The following DCT variants were observed in gnomAD, a reference collection of about 807,000 sequenced individuals.
DCT encodes the protein dopachrome tautomerase, also known as L-dopachrome tautomerase.
In DCT, 47 loss-of-function variants were observed where a neutral mutation model predicts 53.0. The ratio of observed to expected loss-of-function variants is 0.89; its 90% CI spans 0.70 to 1.13. DCT has a LOEUF of 1.13. DCT is among the 50% of genes most tolerant of loss of function. DCT has a pLI of 0.00. For synonymous variants in DCT, 244 were observed against 237.0 expected, an observed-to-expected ratio of 1.03 and a Z score of -0.27; for missense variants, 669 against 637.4, an observed-to-expected ratio of 1.05 and a Z score of -0.53.
chr13:94,520,171 T>G, the DCT span, among the ~76,000 whole-genome samples: 1 of 152,214 alleles, frequency 6.6e-6, no homozygotes, highest in Non-Finnish European at 1.5e-5. Flanking sequence ...AAGGCTCTAT[T>G]TCAGCATGAA....
intron 7 of DCT, among the ~76,000 whole-genome samples, chr13:94,440,821 C>A (rs1448496771): frequency 6.6e-6 from 1 of 151,438 alleles, no homozygotes; most frequent in African/African-American, 2.4e-5. Flanking sequence ...GCTGGGATTA[C>A]AGGCACCCAT....
the DCT span, among the ~76,000 whole-genome samples, chr13:94,546,347 C>T: frequency 0.013 from 1,915 of 152,216 alleles, 19 homozygotes; most frequent in Non-Finnish European, 0.017. This position sits in a 1 kb window ranked among gnomAD's most constrained non-coding sequence, Gnocchi z 4.2. Context: ...CCACTGGTTC[C>T]TCTCCGTTAA....
At chr13:94,533,751 C>A in the DCT span, among the ~76,000 whole-genome samples, 2 of 152,006 alleles carry the variant, frequency 1.3e-5, no homozygotes, top group Non-Finnish European at 2.9e-5. Context: ...CTGCACTCTA[C>A]CCTGGGCAAC....
At chr13:94,481,496 C>G (rs1885442638), upstream of DCT, among the ~76,000 whole-genome samples, 2 of 152,132 alleles carry the variant, frequency 1.3e-5, no homozygotes. Context: ...TTTGTGAAGC[C>G]TTGGGGCTCC....
At chr13:94,458,604 C>G (rs987101022) in intron 6 of DCT, among the ~76,000 whole-genome samples, 2 of 152,000 alleles carry the variant, frequency 1.3e-5, no homozygotes, top group African/African-American at 2.4e-5. Context: ...GTGTTTGAGA[C>G]CAGTCTGGCC....
In DCT at chr13:94,460,121, T is replaced by C; in HGVS notation, c.1149A>G (p.Pro383=). 1 of 1,614,100 alleles carries C rather than the reference T, an allele frequency of 6.2e-7. No individual in the cohort carries two copies. The highest frequency in any genetic ancestry group is 8.5e-7 in the Non-Finnish European group (1 of 1,180,002). ...HSFLNGTNAL[P]HSAANDPIFV... is the part of the protein sequence containing the mutation. ...AAATGGGATCATTGGCGGCTGAATG[T>C]GGCAAAGCGTTTGTCCCGTTCAGGA... Residue 383 remains proline, a synonymous_variant, in exon 6 of 8, where the codon CCA becomes CCG. Transcript: ENST00000377028.
the DCT span, among the ~76,000 whole-genome samples, chr13:94,531,427 T>C: frequency 6.6e-6 from 1 of 152,204 alleles, no homozygotes; most frequent in African/African-American, 2.4e-5. Flanking sequence ...AGCATGGTAC[T>C]GGTACCAAAA....
intron 1 of DCT, among the ~76,000 whole-genome samples, chr13:94,478,223 T>C (rs1885231406): frequency 7.6e-6 from 1 of 131,910 alleles, no homozygotes; most frequent in African/African-American, 2.8e-5. Flanking sequence ...TTGTCAAAGT[T>C]ACAACCTGGT....
intron 6 of DCT, among the ~76,000 whole-genome samples, chr13:94,456,182 A>T (rs1166008942): frequency 6.6e-6 from 1 of 152,204 alleles, no homozygotes; most frequent in Non-Finnish European, 1.5e-5. Context: ...ACTTCTGACA[A>T]CCCCTTCATT....
At chr13:94,503,705 T>C in the DCT span, among the ~76,000 whole-genome samples, 1 of 152,306 alleles carries the variant, frequency 6.6e-6, no homozygotes, top group African/African-American at 2.4e-5. Context: ...CCTCTGGGGA[T>C]AGCATGGCCC....
chr13:94,513,934 C>T, the DCT span, among the ~76,000 whole-genome samples: 1 of 133,342 alleles, frequency 7.5e-6, no homozygotes, highest in East Asian at 2.3e-4. Context: ...TTGCAGTAAG[C>T]CAAGATCGTG....
chr13:94,523,083 C>T, the DCT span, among the ~76,000 whole-genome samples: 1 of 152,186 alleles, frequency 6.6e-6, no homozygotes, highest in African/African-American at 2.4e-5. Context: ...TCTCCAACCT[C>T]AAAGCAAGAA....
chr13:94,509,868 G>C, the DCT span, among the ~76,000 whole-genome samples: 3,156 of 152,248 alleles, frequency 0.021, 66 homozygotes, highest in African/African-American at 0.034. Flanking sequence ...CACTGGGTCA[G>C]GAATCATGTG....
the DCT span, among the ~76,000 whole-genome samples, chr13:94,502,322 C>G: frequency 6.6e-5 from 10 of 152,068 alleles, no homozygotes; most frequent in Admixed American, 3.9e-4. Context: ...AATTTTGCCC[C>G]TTTCTCTCAC....
At position 94,465,691 on chromosome 13, in the gene DCT, C is replaced by T. The variant is rs142171852; in HGVS notation, c.805G>A (p.Asp269Asn). ...DQLFGAARPD[D>N]PTLISRNSRF... ...GAGTTCCGACTAATCAGAGTCGGAT[C>T]GTCTGGTCTCGCTGCCCCAAACAGC... The change falls in exon 4 of 8, where the codon GAT (aspartate) becomes AAT (asparagine). Residue 269 changes from aspartate (D) to asparagine (N), a missense_variant. Physicochemically the swap from Asp to Asn is conservative, Grantham distance 23. Transcript: ENST00000377028. The T allele has an allele frequency of 9.2e-5, 148 of 1,613,352 alleles. No individual in the cohort carries two copies. The highest frequency in any genetic ancestry group is 1.2e-4 in the Non-Finnish European group (141 of 1,179,900).
At chr13:94,528,806 G>A in the DCT span, among the ~76,000 whole-genome samples, 1 of 127,544 alleles carries the variant, frequency 7.8e-6, no homozygotes, top group Middle Eastern at 4.0e-3. Context: ...AACCTTAAAT[G>A]TAAATGGGCT....
upstream of DCT, among the ~76,000 whole-genome samples, chr13:94,484,256 C>T (rs997094266): frequency 6.6e-6 from 1 of 152,196 alleles, no homozygotes; most frequent in Non-Finnish European, 1.5e-5. Flanking sequence ...GCTCCCACCC[C>T]ATTGGCAAAA....
At chr13:94,442,519 C>A (rs1001105034) in intron 7 of DCT, among the ~76,000 whole-genome samples, 4 of 152,132 alleles carry the variant, frequency 2.6e-5, no homozygotes, top group Admixed American at 6.5e-5. Flanking sequence ...TGTTGCCAGG[C>A]TCCTAACATT....
the DCT span, among the ~76,000 whole-genome samples, chr13:94,526,118 G>A: frequency 2.6e-5 from 4 of 152,212 alleles, no homozygotes; most frequent in Non-Finnish European, 5.9e-5. Flanking sequence ...ACAGAACTAT[G>A]GGGCATATGG....
Sources: gnomAD v4.1 joint callset for allele counts (sites outside exome capture counted in the v4.1 genomes callset) on GRCh38, gnomAD v4.1.1 for gene constraint, Gnocchi (gnomAD v3.1) non-coding constraint, MANE v1.5 for transcripts, NCBI Gene and HGNC (gene_info 2026-07-23, HGNC 2026-07-21) for gene names.